The following KIF14 variants were observed in gnomAD, a reference collection of about 807,000 sequenced individuals.
KIF14 encodes kinesin family member 14.
In KIF14, 98 loss-of-function variants were observed where a neutral mutation model predicts 176.2. The observed-to-expected ratio is 0.56, with a 90% CI of 0.47 to 0.66. The LOEUF (loss-of-function observed/expected upper bound fraction) is 0.66. Ranked by LOEUF, KIF14 falls within the 30% of genes least tolerant of loss-of-function variation. The pLI is 0.00. For missense variants in KIF14, 1,751 were observed against 1,920.4 expected (o/e 0.91, Z 1.65); for synonymous variants, 566 against 632.2 (o/e 0.90, Z 1.57).
chr1:200,589,077 G>A, intron 18 of KIF14, 140 bp downstream of exon 18: 1 of 621,292 alleles, frequency 1.6e-6, no homozygotes, highest in Non-Finnish European at 2.8e-6. Context: ...AAGCTTTCAG[G>A]CAAGAAGTAC....
At chr1:200,590,008 T>C (rs781158880) in intron 17 of KIF14, 117 bp downstream of exon 17, 20 of 1,054,296 alleles carry the variant, frequency 1.9e-5, no homozygotes, top group Admixed American at 2.3e-5. Flanking sequence ...GTGGCTTTGA[T>C]TCACTAATCT....
At chr1:200,585,377 G>C (rs921037224) in intron 19 of KIF14, among the ~76,000 whole-genome samples, 2 of 151,742 alleles carry the variant, frequency 1.3e-5, no homozygotes, top group African/African-American at 4.8e-5. Flanking sequence ...TTACATCTCA[G>C]TAAAGCTAGA....
At chr1:200,607,356 C>T (rs1355203949) in intron 5 of KIF14, among the ~76,000 whole-genome samples, 1 of 152,028 alleles carries the variant, frequency 6.6e-6, no homozygotes, top group Non-Finnish European at 1.5e-5. Context: ...CTAGGCTGGT[C>T]GGGAACTCCT....
At position 200,560,850 on chromosome 1, in the gene KIF14, T is replaced by C. The variant is rs1289691936; in HGVS notation, c.4102A>G (p.Lys1368Glu). ...GCCLDISSMIKEAQKNAIQIV... is the reference protein window; with the variant it reads ...GCCLDISSMIEEAQKNAIQIV... The stretch of plus-strand genomic sequence containing the variant: ...TGGATTGCATTCTTTTGAGCCTCTT[T>C]TATCATTGATGAAATATCCAAACAG... Residue 1368 changes from lysine to glutamate, a missense_variant, in exon 26 of 30, where the codon AAA (lysine) becomes GAA (glutamate). By Grantham distance (56) the Lys-to-Glu change is moderately conservative. Coordinates refer to ENST00000367350, the MANE Select transcript of KIF14 (RefSeq NM_014875.3). The C allele has an allele frequency of 6.2e-7, 1 of 1,614,038 alleles. No homozygotes were observed. Among genetic ancestry groups the C allele is most frequent in the Non-Finnish European group, 8.5e-7 (1 of 1,179,878 alleles).
At position 200,617,681 on chromosome 1, in the gene KIF14, C is replaced by T. The variant is rs891620995; in HGVS notation, c.1043G>A (p.Gly348Glu). The change falls in exon 2 of 30, where the codon GGA becomes GAA. Residue 348 changes from glycine to glutamate, a missense_variant. By Grantham distance (98) the Gly-to-Glu change is moderately conservative (BLOSUM62 -2). Transcript: ENST00000367350. The part of the protein sequence containing the change: ...EETVVQNTSA[G>E]KDPLKVENSQ... ...ATTCTCTACTTTTAAGGGGTCTTTT[C>T]CTGCAGAGGTGTTCTGAACTACAGT... 2.5e-6 allele frequency: 4 copies of T among 1,614,034 alleles called. No homozygotes were observed. The African/African-American group carries it at 5.3e-5, about 22-fold the overall frequency.
chr1:200,589,261 CAT>C lies in KIF14; in HGVS notation c.3068_3069del (p.Tyr1023CysfsTer21), dbSNP rs1314607685. 1.2e-6 allele frequency: 2 copies of C among 1,610,550 alleles called. No individual in the cohort carries two copies. The highest frequency in any genetic ancestry group is 1.7e-6 in the Non-Finnish European group (2 of 1,177,744). On this transcript the variant is annotated frameshift_variant, in exon 18 of 30. Coordinates refer to ENST00000367350, the MANE Select transcript of KIF14 (RefSeq NM_014875.3). LOFTEE classifies it high-confidence loss of function. ...TCCATTTCTAATCGCTTTTTGTTGA[CAT>C]ATATTTCCTGTTCAAGATGCTGCTT... ...KAKQHLEQEI[Y>X]VNKKRLEMET...
At chr1:200,590,370 G>A in intron 16 of KIF14, 98 bp from the exon 17 acceptor site, 5 of 1,051,418 alleles carry the variant, frequency 4.8e-6, no homozygotes, top group Non-Finnish European at 6.6e-6. Context: ...TTGAATGAAA[G>A]TTTCAATCTT....
At chr1:200,582,430 G>A (rs76498447) in intron 19 of KIF14, among the ~76,000 whole-genome samples, 42 of 152,042 alleles carry the variant, frequency 2.8e-4, no homozygotes, top group African/African-American at 9.9e-4. Flanking sequence ...CTTATAACCA[G>A]TAATCTACTA....
At position 200,600,134 on chromosome 1, in the gene KIF14, TA is replaced by T. The variant is rs200249625; in HGVS notation, c.2301-22del. On this transcript the variant is annotated intron_variant, in intron 12 of 29. Transcript: ENST00000367350. ...ACACTCTTTCCAAAGACAAAGAAAA[TA>T]ACAGAGTTAAAAACATCCAGATGTA... 3,518 of 1,551,038 alleles carry T rather than the reference TA, an allele frequency of 2.3e-3. 47 individuals carry two copies. The African/African-American group carries it at 0.035, about 15-fold the overall frequency.
In KIF14 at chr1:200,598,417, G is replaced by A. The variant is rs1342583838; in HGVS notation, c.2369C>T (p.Ala790Val). ...KLQETKELQK[A>V]GIMFQMDNHL... ...ATTGTCCATTTGAAACATAATTCCT[G>A]CTTTCTGGTAGAAGTCAGAAAAAGA... Residue 790 changes from alanine to valine, a missense_variant, in exon 14 of 30, where the codon GCA (alanine) becomes GTA (valine). Physicochemically the swap from Ala to Val is moderately conservative, Grantham distance 64. Transcript: ENST00000367350. The A allele has an allele frequency of 1.2e-6, 2 of 1,601,446 alleles. No homozygotes were observed. Among genetic ancestry groups the A allele is most frequent in the Admixed American group, 1.8e-5 (1 of 56,652 alleles).
Position 200,600,490 on chromosome 1 carries a change from T to C in KIF14, c.2166A>G (p.Glu722=), listed in dbSNP as rs758531607. The C allele has an allele frequency of 1.2e-6, 2 of 1,612,564 alleles. No individual in the cohort carries two copies. Among genetic ancestry groups the C allele is most frequent in the Non-Finnish European group, 1.7e-6 (2 of 1,178,672 alleles). The change falls in exon 12 of 30, where the codon GAA becomes GAG. Residue 722 remains glutamate (E), a synonymous_variant. Transcript: ENST00000367350. ...TCTGAGCAGCTTTTAGCTTTGCAAT[T>C]TCTGCCTTCAATTCTGAAGATTTAT... ...NAKLIRELKA[E]IAKLKAAQRN... is the part of the protein sequence containing the mutation.
rs1455502429 is a variant in KIF14, at chr1:200,565,499, G to A, written c.3832C>T (p.Leu1278=). 1.4e-5 allele frequency: 22 copies of A among 1,610,244 alleles called. No homozygotes were observed. Among genetic ancestry groups the A allele is most frequent in the Non-Finnish European group, 1.6e-5 (19 of 1,179,046 alleles). Residue 1278 remains leucine (L), a synonymous_variant, in exon 24 of 30, where the codon CTA becomes TTA. Transcript: ENST00000367350. ...TCATGAGCCTTGGAAATGGCAAATA[G>A]CCCATTATAAATTTTAAGAAAACTA... is the stretch of plus-strand genomic sequence containing the variant. ...INSFLKIYNG[L]FAISKAHEEQ...
intron 11 of KIF14, 135 bp from the exon 12 acceptor site, chr1:200,600,638 G>T (rs1571544290): frequency 3.1e-6 from 2 of 640,350 alleles, no homozygotes; most frequent in African/African-American, 3.7e-5. Context: ...GAATATTGGA[G>T]AAATCAGCTC....
At chr1:200,589,098 T>C (rs1031121975) in intron 18 of KIF14, 119 bp downstream of exon 18, 4 of 727,150 alleles carry the variant, frequency 5.5e-6, no homozygotes, top group South Asian at 1.9e-5. Context: ...TTTTCTCATC[T>C]ACACATCTAC....
intron 22 of KIF14, 57 bp from the exon 23 acceptor site, chr1:200,570,062 T>C: frequency 1.3e-6 from 1 of 787,272 alleles, no homozygotes; most frequent in Non-Finnish European, 2.0e-6. Context: ...ATAATATTAT[T>C]AAGAATATTT....
At chr1:200,612,000 C>CTTTT (rs79821962) in intron 4 of KIF14, among the ~76,000 whole-genome samples, 5 of 148,612 alleles carry the variant, frequency 3.4e-5, no homozygotes, top group Non-Finnish European at 4.5e-5. Context: ...AGTCCATGCT[C>CTTTT]TTTTTTTTTT....
intron 12 of KIF14, 109 bp downstream of exon 12, chr1:200,600,247 C>T: frequency 7.8e-7 from 1 of 1,279,462 alleles, no homozygotes. Flanking sequence ...GTGGGCTGCT[C>T]TATTCATAAG....
At chr1:200,594,632 A>G (rs1659238992) in intron 14 of KIF14, among the ~76,000 whole-genome samples, 4 of 152,212 alleles carry the variant, frequency 2.6e-5, no homozygotes, top group South Asian at 2.1e-4. Context: ...AAAATCAGCT[A>G]TAAGTGCTAC....
chr1:200,581,375 A>C, intron 19 of KIF14, 81 bp from the exon 20 acceptor site: 1 of 632,210 alleles, frequency 1.6e-6, no homozygotes, highest in Non-Finnish European at 2.7e-6. Context: ...ATTCCTAAAA[A>C]AAAAATCACT....
Sources: allele counts gnomAD v4.1 joint callset (sites outside exome capture counted in the v4.1 genomes callset), GRCh38; gene constraint gnomAD v4.1.1; transcripts MANE v1.5; gene names NCBI Gene and HGNC (gene_info 2026-07-23, HGNC 2026-07-21).